SPON1: variants seen among roughly 807,000 people sequenced by gnomAD.
SPON1 encodes the protein spondin-1.
In SPON1, 52 loss-of-function variants were observed where a neutral mutation model predicts 111.7. That is an observed-to-expected ratio of 0.47 (90% CI 0.37 to 0.59). SPON1 has a LOEUF of 0.59. SPON1 is among the 20% of genes least tolerant of loss of function. The pLI, the probability that SPON1 is intolerant of heterozygous loss-of-function variation, is 0.00. For missense variants in SPON1, 957 were observed against 1,068.5 expected (o/e 0.90, Z 1.46); for synonymous variants, 410 against 395.8 (o/e 1.04, Z -0.43).
intron 5 of SPON1, among the ~76,000 whole-genome samples, chr11:14,106,465 T>C (rs1158232767): frequency 1.3e-5 from 2 of 152,184 alleles, no homozygotes; most frequent in Admixed American, 6.5e-5. Context: ...CCCTCAAGAA[T>C]TGTTTATGCC....
chr11:14,168,951 AC>A (rs1479898690), intron 6 of SPON1, among the ~76,000 whole-genome samples: 1 of 152,188 alleles, frequency 6.6e-6, no homozygotes, highest in Admixed American at 6.6e-5. Context: ...TAACAGTGCC[AC>A]AAAAAACATA....
At chr11:14,025,308 A>G (rs782693692) in intron 2 of SPON1, among the ~76,000 whole-genome samples, 3 of 152,252 alleles carry the variant, frequency 2.0e-5, no homozygotes, top group Non-Finnish European at 4.4e-5. Context: ...AGGGAGTAGC[A>G]ATACCTCTTT....
chr11:14,089,556 T>G (rs574075540), intron 5 of SPON1, among the ~76,000 whole-genome samples: 10 of 152,320 alleles, frequency 6.6e-5, no homozygotes, highest in African/African-American at 2.4e-4. Context: ...CTCTCCTGTA[T>G]GAGGTGTCTG....
intron 2 of SPON1, among the ~76,000 whole-genome samples, chr11:14,041,279 G>A (rs1378452810): frequency 6.6e-6 from 1 of 152,146 alleles, no homozygotes; most frequent in Admixed American, 6.5e-5. Context: ...TCAAAGTGCT[G>A]ACACAAGATT....
chr11:14,258,860 TTGGGGC>T (rs1849139620), intron 11 of SPON1, among the ~76,000 whole-genome samples: 1 of 152,198 alleles, frequency 6.6e-6, no homozygotes, highest in African/African-American at 2.4e-5. Context: ...AGCCTCTTTC[TTGGGGC>T]TGGGACTGGG....
intron 6 of SPON1, among the ~76,000 whole-genome samples, chr11:14,181,659 C>T (rs1848235957): frequency 6.6e-6 from 1 of 152,174 alleles, no homozygotes; most frequent in South Asian, 2.1e-4. Flanking sequence ...ATGTAGAAGC[C>T]ACCTGACCCC....
At chr11:13,983,044 C>A in intron 2 of SPON1, 91 bp downstream of exon 2, 2 of 853,654 alleles carry the variant, frequency 2.3e-6, no homozygotes, top group South Asian at 1.6e-5. Context: ...GCTTCCCATG[C>A]AGTCCCTTGA....
chr11:14,235,259 CCAA>C (rs1335696458), intron 6 of SPON1, among the ~76,000 whole-genome samples: 2 of 152,186 alleles, frequency 1.3e-5, no homozygotes, highest in Non-Finnish European at 2.9e-5. Context: ...TCTCATTCAC[CCAA>C]CAAGTATTAG....
intron 10 of SPON1, 129 bp from the exon 11 acceptor site, chr11:14,257,587 A>G (rs1303303214): frequency 4.1e-6 from 3 of 732,878 alleles, no homozygotes; most frequent in Non-Finnish European, 6.3e-6. Context: ...CCATCCCAGG[A>G]GCACCCAGGC....
chr11:14,067,893 G>T (rs2697826), intron 3 of SPON1, among the ~76,000 whole-genome samples: 1 of 151,982 alleles, frequency 6.6e-6, no homozygotes. Context: ...AACAGATTAC[G>T]TCACTCTCCT....
chr11:14,124,921 CT>C (rs1274135867), intron 5 of SPON1, among the ~76,000 whole-genome samples: 9 of 152,202 alleles, frequency 5.9e-5, no homozygotes, highest in African/African-American at 1.7e-4. Flanking sequence ...TGGCACTTTC[CT>C]TGAGGCCCTA....
intron 2 of SPON1, among the ~76,000 whole-genome samples, chr11:14,012,287 C>T (rs1295763215): frequency 6.6e-6 from 1 of 152,116 alleles, no homozygotes; most frequent in Non-Finnish European, 1.5e-5. Flanking sequence ...ACAGACACCT[C>T]CCATCCTAAC....
At chr11:14,076,193 C>T (rs562042973) in intron 4 of SPON1, among the ~76,000 whole-genome samples, 1 of 152,146 alleles carries the variant, frequency 6.6e-6, no homozygotes, top group Non-Finnish European at 1.5e-5. Context: ...CCTTAAACAT[C>T]GGAATGTTTT....
intron 3 of SPON1, among the ~76,000 whole-genome samples, chr11:14,050,541 C>T (rs534799695): frequency 2.0e-5 from 3 of 152,278 alleles, no homozygotes; most frequent in South Asian, 2.1e-4. Context: ...TTCTAATGTA[C>T]ACTCCAGCAT....
chr11:13,993,999 C>A (rs1554911487), intron 2 of SPON1, among the ~76,000 whole-genome samples: 2 of 152,152 alleles, frequency 1.3e-5, no homozygotes, highest in African/African-American at 4.8e-5. Context: ...CAATACCATG[C>A]AAGCAAGTAT....
chr11:13,978,705 C>T lies in SPON1; in HGVS notation c.239-4142C>T, dbSNP rs548505238. On this transcript the variant is annotated intron_variant, in intron 1 of 15. Coordinates refer to ENST00000576479, the MANE Select transcript of SPON1 (RefSeq NM_006108.4). ...GAAATCAGAGGAAACATCACACAAA[C>T]GGTGGAGATTTGGCTGACTTTTGAA... Among the ~76,000 whole-genome samples, 18 of 152,208 alleles carry T rather than the reference C, an allele frequency of 1.2e-4. No individual in the cohort carries two copies. The South Asian group carries it at 2.9e-3, about 25-fold the overall frequency.
intron 6 of SPON1, among the ~76,000 whole-genome samples, chr11:14,226,255 T>C (rs782236867): frequency 6.6e-6 from 1 of 152,222 alleles, no homozygotes; most frequent in Non-Finnish European, 1.5e-5. Context: ...TGCTCCCTTC[T>C]AATGACAGGT....
rs189211720 is a variant in SPON1 at position 14,155,637 on chromosome 11, C to G, written c.825+20069C>G. ...CTAGCATTAGGTATATCTCCTAAAG[C>G]TATCCCTCCCCACTCCCCCTACCCC... On this transcript the variant is annotated intron_variant, in intron 6 of 15. Transcript: ENST00000576479. Among the ~76,000 whole-genome samples the G allele has an allele frequency of 1.3e-4, 20 of 151,380 alleles. No homozygotes were observed. In the East Asian group the frequency reaches 3.5e-3, roughly 27 times the overall value.
intron 1 of SPON1, among the ~76,000 whole-genome samples, chr11:13,977,893 A>T (rs1418780801): frequency 1.3e-5 from 2 of 152,162 alleles, no homozygotes; most frequent in East Asian, 3.9e-4. Context: ...CTGCATGGTC[A>T]TTCAGTTGTC....
Sources: gnomAD v4.1 joint callset for allele counts (sites outside exome capture counted in the v4.1 genomes callset) on GRCh38, gnomAD v4.1.1 for gene constraint, MANE v1.5 for transcripts, NCBI Gene and HGNC (gene_info 2026-07-23, HGNC 2026-07-21) for gene names.